PDCD4: variants seen among roughly 807,000 people sequenced by gnomAD.
The protein encoded by PDCD4 is programmed cell death 4, also known as programmed cell death protein 4.
Under a neutral mutation model 54.0 loss-of-function variants are expected in PDCD4, and 56 were observed. That is an observed-to-expected ratio of 1.04 (90% CI 0.84 to 1.30). The LOEUF (loss-of-function observed/expected upper bound fraction) is 1.30, where lower values mean the gene tolerates loss of function less well. Among genes scored for constraint, PDCD4 ranks in the 50% most tolerant of loss-of-function variants. The pLI, the probability that PDCD4 is intolerant of heterozygous loss-of-function variation, is 0.00. For synonymous variants in PDCD4, 186 were observed against 194.8 expected (o/e 0.95, Z 0.37); for missense variants, 584 against 559.8 (o/e 1.04, Z -0.44).
Position 110,898,115 on chromosome 10 carries a change from G to GTT in PDCD4, c.*28_*29dup, listed in dbSNP as rs773643180. The GTT allele has an allele frequency of 1.9e-4, 201 of 1,082,216 alleles. No individual in the cohort carries two copies. Among genetic ancestry groups the GTT allele is most frequent in the Non-Finnish European group, 2.5e-4 (195 of 780,208 alleles). 67.0% of individuals were successfully genotyped at this position (1,082,216 alleles called of 1,614,324 possible). On this transcript the variant is annotated 3_prime_UTR_variant, in exon 12 of 12. Coordinates refer to ENST00000280154, the MANE Select transcript of PDCD4 (RefSeq NM_014456.5). ...TATAAGAACTCTTGCAGTCTTAGATGTTATAAAAATATATATCTGAATTGT... is the reference window on the plus strand; with the variant it reads ...TATAAGAACTCTTGCAGTCTTAGATGTTTTATAAAAATATATATCTGAATTGT...
chr10:110,873,330 C>T (rs1845451061), intron 1 of PDCD4, among the ~76,000 whole-genome samples: 1 of 152,146 alleles, frequency 6.6e-6, no homozygotes, highest in Non-Finnish European at 1.5e-5. Flanking sequence ...GCTAATTAGC[C>T]GTTCGTAGCC....
chr10:110,896,112 T>C (rs1156461003), intron 11 of PDCD4, 25 bp downstream of exon 11: 6 of 1,542,226 alleles, frequency 3.9e-6, no homozygotes, highest in Middle Eastern at 1.7e-4. Flanking sequence ...TACTACTTTC[T>C]CAATGTAAAA....
intron 3 of PDCD4, among the ~76,000 whole-genome samples, chr10:110,881,816 C>T (rs572913076): frequency 9.9e-5 from 15 of 152,166 alleles, no homozygotes; most frequent in Admixed American, 5.9e-4. Flanking sequence ...TTCACTGTTA[C>T]GAGTTTTACG....
intron 4 of PDCD4, among the ~76,000 whole-genome samples, chr10:110,884,014 T>C (rs1845632091): frequency 6.6e-6 from 1 of 152,242 alleles, no homozygotes; most frequent in African/African-American, 2.4e-5. Flanking sequence ...TCCCCTCTTA[T>C]CCGTGGTTTC....
rs1845915810 is a variant in PDCD4 at position 110,899,353 on chromosome 10, C to G, written c.*1265C>G. ...TTTACCTCATGGGCTTTATCAAGCCCATATTACCTCAGCTTATATATAGTT... is the reference window on the plus strand; with the variant it reads ...TTTACCTCATGGGCTTTATCAAGCCGATATTACCTCAGCTTATATATAGTT... On this transcript the variant is annotated 3_prime_UTR_variant, in exon 12 of 12. Coordinates refer to ENST00000280154, the MANE Select transcript of PDCD4 (RefSeq NM_014456.5). 6.6e-6 allele frequency: 1 copy of G among 152,142 alleles called. No individual in the cohort carries two copies. Among genetic ancestry groups the G allele is most frequent in the Admixed American group, 6.5e-5 (1 of 15,272 alleles). 9.4% of individuals were successfully genotyped at this position (152,142 alleles called of 1,614,324 possible). A position where few individuals can be genotyped will look rare whatever the true frequency, so the allele number is the denominator to read the frequency against.
chr10:110,882,627 A>C (rs2025280), intron 3 of PDCD4, among the ~76,000 whole-genome samples: 150,649 of 152,272 alleles, frequency 0.99, 74,542 homozygotes, highest in East Asian at 1. Context: ...TTCTATGCTA[A>C]GCTTTACCGG....
At chr10:110,880,483 A>T (rs1212170072) in intron 2 of PDCD4, 1 of 152,206 alleles carries the variant, frequency 6.6e-6, no homozygotes, top group Non-Finnish European at 1.5e-5. Context: ...GATTTACAGG[A>T]TGGTAAGTAA....
At position 110,890,099 on chromosome 10, in the gene PDCD4, A is replaced by G. The variant is rs115133209; in HGVS notation, c.876-457A>G. Among the ~76,000 whole-genome samples, 1,160 of 152,320 alleles carry G rather than the reference A, an allele frequency of 7.6e-3. 21 individuals are homozygous for G. The highest frequency in any genetic ancestry group is 0.025 in the African/African-American group (1,038 of 41,566). On this transcript the variant is annotated intron_variant, in intron 7 of 11. Transcript: ENST00000280154. Reference sequence around the variant, plus strand: ...TAGTATAATTAATATGATATTTGGTATAACTAAATGTGATATTTGGGAGTT... The same window carrying G: ...TAGTATAATTAATATGATATTTGGTGTAACTAAATGTGATATTTGGGAGTT...
chr10:110,894,266 T>C, intron 9 of PDCD4, 68 bp downstream of exon 9: 1 of 984,898 alleles, frequency 1.0e-6, no homozygotes, highest in South Asian at 1.3e-5. Flanking sequence ...CGACTTATGC[T>C]TTTTAAATAA....
At position 110,881,259 on chromosome 10, in the gene PDCD4, T is replaced by C. The variant is rs1461480925; in HGVS notation, c.70T>C (p.Phe24Leu). 1 of 1,612,984 alleles carries C rather than the reference T, an allele frequency of 6.2e-7. No homozygotes were observed. The highest frequency in any genetic ancestry group is 8.5e-7 in the Non-Finnish European group (1 of 1,179,260). ...TCCTGATAACTTAAGTGACTCTCTC[T>C]TTTCCGGTGATGAAGAAAATGCTGG... ...ADPDNLSDSL[F>L]SGDEENAGTE... Residue 24 changes from phenylalanine to leucine, a missense_variant, in exon 3 of 12, where the codon TTT becomes CTT. Coordinates refer to ENST00000280154, the MANE Select transcript of PDCD4 (RefSeq NM_014456.5).
At chr10:110,872,155 CGGTG>C (rs1300429775) in intron 1 of PDCD4, 137 bp downstream of exon 1, 1 of 152,302 alleles carries the variant, frequency 6.6e-6, no homozygotes. Flanking sequence ...TCCGGGCCTG[CGGTG>C]CGGGGGTCCG....
rs763363101 is a variant in PDCD4, at chr10:110,887,796, A to G, written c.687A>G (p.Thr229=). The G allele has an allele frequency of 3.1e-6, 5 of 1,613,752 alleles. No homozygotes were observed. Among genetic ancestry groups the G allele is most frequent in the Admixed American group, 3.3e-5 (2 of 60,014 alleles). Residue 229 remains threonine, a synonymous_variant, in exon 6 of 12, where the codon ACA becomes ACG. Coordinates refer to ENST00000280154, the MANE Select transcript of PDCD4 (RefSeq NM_014456.5). ...AGCTTCTTTCTGACCTTTGTGGGAC[A>G]GTAATGAGCACAACTGATGTGGAAA... ...TSKLLSDLCG[T]VMSTTDVEKS... is the part of the protein sequence containing the mutation.
intron 6 of PDCD4, among the ~76,000 whole-genome samples, chr10:110,888,260 ATAAG>A (rs1845701623): frequency 6.6e-6 from 1 of 152,156 alleles, no homozygotes; most frequent in Non-Finnish European, 1.5e-5. Flanking sequence ...GAAGTCATAA[ATAAG>A]ACTCTTCCCT....
At chr10:110,892,715 A>T (rs1050459082) in intron 8 of PDCD4, among the ~76,000 whole-genome samples, 17 of 152,252 alleles carry the variant, frequency 1.1e-4, no homozygotes, top group African/African-American at 3.9e-4. Flanking sequence ...ATGTTGTAGC[A>T]CAGTTACTTT....
Position 110,895,964 on chromosome 10 carries a change from A to T in PDCD4, c.1226A>T (p.Tyr409Phe). ...DQMKRGYERI[Y>F]NEIPDINLDV... ...TTGTTGTAGGGTTATGAGAGAATTT[A>T]CAATGAAATTCCGGACATTAATCTG... Residue 409 changes from tyrosine to phenylalanine, a missense_variant, in exon 11 of 12, where the codon TAC becomes TTC. Physicochemically the swap from Tyr to Phe is conservative, Grantham distance 22. Coordinates refer to ENST00000280154, the MANE Select transcript of PDCD4 (RefSeq NM_014456.5). 1 of 1,601,500 alleles carries T rather than the reference A, an allele frequency of 6.2e-7. No homozygotes were observed. The highest frequency in any genetic ancestry group is 1.1e-5 in the South Asian group (1 of 89,186).
At chr10:110,872,365 CCCT>C (rs1158510230) in intron 1 of PDCD4, 4 of 152,334 alleles carry the variant, frequency 2.6e-5, no homozygotes. Flanking sequence ...GCCCTCCTCC[CCCT>C]CTGGCGGAGG....
At chr10:110,877,393 T>C (rs1845522083) in intron 2 of PDCD4, among the ~76,000 whole-genome samples, 1 of 152,164 alleles carries the variant, frequency 6.6e-6, no homozygotes, top group African/African-American at 2.4e-5. Flanking sequence ...GTTGAGTACT[T>C]GAAATGTGGC....
At chr10:110,878,580 CA>C (rs1450926863) in intron 2 of PDCD4, among the ~76,000 whole-genome samples, 1 of 152,178 alleles carries the variant, frequency 6.6e-6, no homozygotes, top group Non-Finnish European at 1.5e-5. Context: ...TCCACTTAAT[CA>C]TTTTTGTTTA....
chr10:110,891,504 A>G (rs1845756410), intron 8 of PDCD4, among the ~76,000 whole-genome samples: 1 of 151,872 alleles, frequency 6.6e-6, no homozygotes, highest in Admixed American at 6.6e-5. Context: ...GTGTCCTATA[A>G]CAAGAAACCA....
Sources: gnomAD v4.1 joint callset for allele counts (sites outside exome capture counted in the v4.1 genomes callset) on GRCh38, gnomAD v4.1.1 for gene constraint, MANE v1.5 for transcripts, NCBI Gene and HGNC (gene_info 2026-07-23, HGNC 2026-07-21) for gene names.